Variants in USH2A observed in about 807,000 individuals in gnomAD.
USH2A encodes Usher syndrome 2A (autosomal recessive, mild).
USH2A carries 443 observed loss-of-function variants against 538.9 expected under a neutral mutation model. The observed-to-expected ratio is 0.82, with a 90% CI of 0.76 to 0.89. The LOEUF is 0.89. USH2A is among the 40% of genes least tolerant of loss of function. USH2A has a pLI of 0.00. For synonymous variants in USH2A, 2,413 were observed against 2,273.5 expected, an observed-to-expected ratio of 1.06 and a Z score of -1.75; for missense variants, 6,633 against 6,324.8, an observed-to-expected ratio of 1.05 and a Z score of -1.65.
chr1:216,259,103 A>G (rs750004755), intron 11 of USH2A, among the ~76,000 whole-genome samples: 11 of 152,106 alleles, frequency 7.2e-5, no homozygotes, highest in Non-Finnish European at 1.5e-4. Flanking sequence ...TAAGCAGCCA[A>G]AATTGGAATC....
rs200202244 is a variant in USH2A, at chr1:215,680,244, T to G, written c.12199A>C (p.Ser4067Arg). 4.3e-6 allele frequency: 7 copies of G among 1,614,168 alleles called. No individual in the cohort carries two copies. The African/African-American group carries it at 8.0e-5, about 18-fold the overall frequency. ...TLIQTLESSP[S>R]GLRNFIVEQK... is the part of the protein sequence containing the mutation. ...TCTACTATAAAGTTTCTCAGTCCAC[T>G]TGGGGAAGATTCTAAGGTTTGAATC... Residue 4067 changes from serine (S) to arginine (R), a missense_variant, in exon 62 of 72, where the codon AGT becomes CGT. Physicochemically the swap from Ser to Arg is moderately radical, Grantham distance 110. Coordinates refer to ENST00000307340, the MANE Select transcript of USH2A (RefSeq NM_206933.4).
chr1:215,898,477 G>T (rs993982315), intron 40 of USH2A, among the ~76,000 whole-genome samples: 9 of 152,070 alleles, frequency 5.9e-5, no homozygotes, highest in African/African-American at 2.2e-4. Flanking sequence ...CTACCTCCCT[G>T]CCTATAGATG....
intron 13 of USH2A, among the ~76,000 whole-genome samples, chr1:216,243,570 G>T (rs2035975943): frequency 1.3e-5 from 2 of 152,134 alleles, no homozygotes; most frequent in Non-Finnish European, 1.5e-5. Context: ...AATAGGATAT[G>T]AGTAGAACTG....
chr1:215,912,453 G>GTATATATATATATATATATATACGTA (rs1665812706), intron 38 of USH2A, among the ~76,000 whole-genome samples: 1 of 42,980 alleles, frequency 2.3e-5, no homozygotes, highest in African/African-American at 8.6e-5. Flanking sequence ...GTAGGTATGT[G>GTATATATATATATATATATATACGTA]TATATATATA....
chr1:216,314,250 A>G (rs1412699749), intron 9 of USH2A, among the ~76,000 whole-genome samples: 3 of 152,068 alleles, frequency 2.0e-5, no homozygotes, highest in Non-Finnish European at 4.4e-5. Flanking sequence ...TTTTAAAAGC[A>G]TTTATGCACA....
chr1:216,199,913 T>C lies in USH2A; in HGVS notation c.3525A>G (p.Gln1175=). 2.5e-6 allele frequency: 4 copies of C among 1,614,068 alleles called. No individual in the cohort carries two copies. The highest frequency in any genetic ancestry group is 1.3e-5 in the African/African-American group (1 of 75,028). Reference sequence around the variant, plus strand: ...AAATATATTTCTCTATGGGACCAGATTGATTTGAGAGTGTTGTCCAGGTAA... The same window carrying C: ...AAATATATTTCTCTATGGGACCAGACTGATTTGAGAGTGTTGTCCAGGTAA... The part of the protein sequence containing the change: ...VTLTWTTLSN[Q]SGPIEKYILS... Residue 1175 remains glutamine (Q), a synonymous_variant, in exon 17 of 72, where the codon CAA becomes CAG. Transcript: ENST00000307340.
chr1:215,889,229 A>G (rs1665146748), intron 40 of USH2A, among the ~76,000 whole-genome samples, 175 bp from the exon 41 acceptor site: 1 of 152,190 alleles, frequency 6.6e-6, no homozygotes. Context: ...TTTGCTCATA[A>G]ATTTTGCGTG....
Position 216,364,967 on chromosome 1 carries a change from C to T in USH2A, c.770G>A (p.Gly257Glu). 6.2e-7 allele frequency: 1 copy of T among 1,613,446 alleles called. No individual in the cohort carries two copies. The highest frequency in any genetic ancestry group is 1.1e-5 in the South Asian group (1 of 91,048). ...CAGAAACTTACCATTTAAACTCTGT[C>T]CTATTTGCACAGTACCAGATGCAAA... ...TDFASGTVQI[G>E]QSLNGLEQFV... The change falls in exon 4 of 72, where the codon GGA becomes GAA. Residue 257 changes from glycine to glutamate, a missense_variant. Physicochemically the swap from Gly to Glu is moderately conservative, Grantham distance 98 (BLOSUM62 -2). Transcript: ENST00000307340.
intron 47 of USH2A, among the ~76,000 whole-genome samples, chr1:215,834,378 G>C (rs1367758100): frequency 6.6e-6 from 1 of 152,160 alleles, no homozygotes; most frequent in Non-Finnish European, 1.5e-5. Context: ...ACAACTGCTA[G>C]TATGTATATA....
chr1:216,174,551 T>C (rs2034337629), intron 21 of USH2A: 3 of 982,846 alleles, frequency 3.1e-6, no homozygotes, highest in Admixed American at 6.2e-5. Context: ...TGCTTTCACA[T>C]TGATTTTCAT....
chr1:216,389,062 G>T (rs2039054349), intron 3 of USH2A, among the ~76,000 whole-genome samples: 1 of 152,166 alleles, frequency 6.6e-6, no homozygotes, highest in African/African-American at 2.4e-5. Flanking sequence ...GGCCATTTCT[G>T]GAAGAGCTAG....
intron 47 of USH2A, among the ~76,000 whole-genome samples, chr1:215,827,421 G>A (rs978129025): frequency 6.6e-6 from 1 of 152,078 alleles, no homozygotes; most frequent in Admixed American, 6.6e-5. Flanking sequence ...GGAGGAGTTT[G>A]GGAAGAAGAG....
intron 20 of USH2A, among the ~76,000 whole-genome samples, chr1:216,189,128 A>G (rs1302486195): frequency 6.6e-6 from 1 of 151,994 alleles, no homozygotes; most frequent in Non-Finnish European, 1.5e-5. Flanking sequence ...TATAAAATAC[A>G]TAAAAATACA....
chr1:216,390,607 T>C (rs2039089974), intron 3 of USH2A, among the ~76,000 whole-genome samples: 1 of 152,222 alleles, frequency 6.6e-6, no homozygotes, highest in African/African-American at 2.4e-5. Flanking sequence ...AAAAGGCTAA[T>C]ATTCTTGAAA....
chr1:215,767,439 G>A (rs372298317), intron 55 of USH2A, among the ~76,000 whole-genome samples: 15 of 152,158 alleles, frequency 9.9e-5, no homozygotes, highest in Non-Finnish European at 2.1e-4. Flanking sequence ...CAACACTTTT[G>A]TTTTTAAACC....
chr1:215,629,625 G>A (rs1157455470), intron 70 of USH2A, among the ~76,000 whole-genome samples: 16 of 151,912 alleles, frequency 1.1e-4, no homozygotes, highest in South Asian at 1.0e-3. Flanking sequence ...AATTACATCA[G>A]GTCTGATATT....
chr1:216,420,915 T>G (rs1481623435), intron 2 of USH2A, among the ~76,000 whole-genome samples: 2 of 152,156 alleles, frequency 1.3e-5, no homozygotes, highest in Non-Finnish European at 2.9e-5. Context: ...GCTTATGAGA[T>G]TGTAATCCTT....
At chr1:216,053,014 C>T (rs1236210399) in intron 30 of USH2A, among the ~76,000 whole-genome samples, 2 of 152,304 alleles carry the variant, frequency 1.3e-5, no homozygotes, top group Admixed American at 1.3e-4. Context: ...AAGCATTTAT[C>T]AATGTTTCCG....
At chr1:215,990,595 T>C (rs928866732) in intron 35 of USH2A, among the ~76,000 whole-genome samples, 2 of 152,106 alleles carry the variant, frequency 1.3e-5, no homozygotes, top group East Asian at 3.9e-4. Context: ...TATGAAGGCA[T>C]AGAAACAGTT....
Sources: allele counts gnomAD v4.1 joint callset (sites outside exome capture counted in the v4.1 genomes callset), GRCh38; gene constraint gnomAD v4.1.1; transcripts MANE v1.5; gene names NCBI Gene and HGNC (gene_info 2026-07-23, HGNC 2026-07-21).